The following ASB13 variants were observed in gnomAD, a reference collection of about 807,000 sequenced individuals.
The protein encoded by ASB13 is ankyrin repeat and SOCS box protein 13.
ASB13 carries 33 observed loss-of-function variants against 28.8 expected under a neutral mutation model. The ratio of observed to expected loss-of-function variants is 1.15; its 90% CI spans 0.87 to 1.53. The LOEUF (loss-of-function observed/expected upper bound fraction) is 1.53. Ranked by LOEUF, ASB13 falls within the 40% of genes most tolerant of loss-of-function variation. ASB13 has a pLI of 0.00. For missense variants in ASB13, 414 were observed against 390.1 expected (o/e 1.06, Z -0.52); for synonymous variants, 182 against 172.9 (o/e 1.05, Z -0.41).
chr10:5,655,399 T>G lies in ASB13; in HGVS notation c.44-2349A>C, dbSNP rs1245341649. 6.6e-6 allele frequency among the ~76,000 whole-genome samples: 1 copy of G among 152,242 alleles called. No homozygotes were observed. The highest frequency in any genetic ancestry group is 1.9e-4 in the East Asian group (1 of 5,202). On this transcript the variant is annotated intron_variant, in intron 1 of 5. Coordinates refer to ENST00000357700, the MANE Select transcript of ASB13 (RefSeq NM_024701.4). The surrounding 1 kb of genome is among the most constrained non-coding windows in gnomAD (Gnocchi z 6.2). ...TCTCTTCATAGGTGGACTATGAACATTCAGTGAATTGAAATAGGTAGATGC... is the reference window on the plus strand; with the variant it reads ...TCTCTTCATAGGTGGACTATGAACAGTCAGTGAATTGAAATAGGTAGATGC...
At position 5,640,511 on chromosome 10, in the gene ASB13, C is replaced by T; in HGVS notation, c.*192G>A. On this transcript the variant is annotated 3_prime_UTR_variant, in exon 6 of 6. Transcript: ENST00000357700. Reference sequence around the variant, plus strand: ...ACACCCACAACTGTGACCTGAGACGCAGGCCTTCCCAACACCCTGGAAACA... The same window carrying T: ...ACACCCACAACTGTGACCTGAGACGTAGGCCTTCCCAACACCCTGGAAACA... 1 of 681,486 alleles carries T rather than the reference C, an allele frequency of 1.5e-6. No homozygotes were observed. The highest frequency in any genetic ancestry group is 3.0e-5 in the East Asian group (1 of 33,710). The allele number at this position is 681,486 out of a possible 1,614,324, so 42.2% of individuals were successfully genotyped here. A position where few individuals can be genotyped will look rare whatever the true frequency, so the allele number is the denominator to read the frequency against.
In ASB13 at chr10:5,660,169, A is replaced by C. The variant is rs1835137855; in HGVS notation, c.43+6340T>G. 6.6e-6 allele frequency among the ~76,000 whole-genome samples: 1 copy of C among 152,198 alleles called. No individual in the cohort carries two copies. The highest frequency in any genetic ancestry group is 6.5e-5 in the Admixed American group (1 of 15,282). On this transcript the variant is annotated intron_variant, in intron 1 of 5. Transcript: ENST00000357700. The surrounding 1 kb of genome is among the most constrained non-coding windows in gnomAD (Gnocchi z 6.1). ...TAGCCAAGCAAAAGCCTTTGCCCTG[A>C]AAACTAGAGTTTCACAGATGTCACC... is the stretch of plus-strand genomic sequence containing the variant.
Position 5,641,657 on chromosome 10 carries a change from C to G in ASB13, c.709+113G>C. The G allele has an allele frequency of 8.6e-7, 1 of 1,162,496 alleles. No individual in the cohort carries two copies. The highest frequency in any genetic ancestry group is 1.2e-6 in the Non-Finnish European group (1 of 831,386). 72.0% of individuals were successfully genotyped at this position (1,162,496 alleles called of 1,614,324 possible). On this transcript the variant is annotated intron_variant, in intron 5 of 5. Transcript: ENST00000357700. This position sits in a 1 kb window ranked among gnomAD's most constrained non-coding sequence, Gnocchi z 8.4. ...TAAGGGTCTGTCCTAGCGCAGAGGA[C>G]AGGAGCCAGGACTAACAGCCCAGCT...
intron 1 of ASB13, among the ~76,000 whole-genome samples, chr10:5,666,200 C>T (rs968380353): frequency 6.6e-6 from 1 of 152,192 alleles, no homozygotes; most frequent in African/African-American, 2.4e-5. Context: ...GCACGCGTCC[C>T]GCACCTTCCC....
Position 5,640,690 on chromosome 10 carries a change from C to T in ASB13, c.*13G>A, listed in dbSNP as rs1327574129. On this transcript the variant is annotated 3_prime_UTR_variant, in exon 6 of 6. Coordinates refer to ENST00000357700, the MANE Select transcript of ASB13 (RefSeq NM_024701.4). ...ACAACGGGGGCAGCCACGGTCCGGA[C>T]CCCACCTGCAATTCAGTTGTAGGAG... The T allele has an allele frequency of 1.2e-6, 2 of 1,613,992 alleles. No individual in the cohort carries two copies. The highest frequency in any genetic ancestry group is 2.2e-5 in the East Asian group (1 of 44,880).
Position 5,641,776 on chromosome 10 carries a change from A to G in ASB13, c.703T>C (p.Tyr235His), listed in dbSNP as rs1326666363. ...SSAPAKCFEYYEKTPLTLSQL... is the reference protein window; with the variant it reads ...SSAPAKCFEYHEKTPLTLSQL... ...GCTCGGTGGGGTGTCTCACTTTCGT[A>G]GTACTCGAAGCACTTGGCGGGAGCG... Residue 235 changes from tyrosine to histidine, a missense_variant, in exon 5 of 6, where the codon TAC becomes CAC. Coordinates refer to ENST00000357700, the MANE Select transcript of ASB13 (RefSeq NM_024701.4). This position sits in a 1 kb window ranked among gnomAD's most constrained non-coding sequence, Gnocchi z 8.4. 3 of 1,587,792 alleles carry G rather than the reference A, an allele frequency of 1.9e-6. No homozygotes were observed. Among genetic ancestry groups the G allele is most frequent in the African/African-American group, 2.7e-5 (2 of 74,646 alleles).
Position 5,652,026 on chromosome 10 carries a change from CCACACACACACACACACA to C in ASB13, c.232-681_232-664del, listed in dbSNP as rs5782851. 3.4e-5 allele frequency among the ~76,000 whole-genome samples: 2 copies of C among 59,150 alleles called. No individual in the cohort carries two copies. Among genetic ancestry groups the C allele is most frequent in the African/African-American group, 7.2e-5 (1 of 13,950 alleles). 38.8% of individuals were successfully genotyped at this position (59,150 alleles called of 152,430 possible). ...CAAAAAAAAAAAAAAAAAAAAAAAA[CCACACACACACACACACA>C]CACACACACACACACACAAAACTCT... On this transcript the variant is annotated intron_variant, in intron 2 of 5. Transcript: ENST00000357700. This position sits in a 1 kb window ranked among gnomAD's most constrained non-coding sequence, Gnocchi z 5.0.
Position 5,641,805 on chromosome 10 carries a change from C to T in ASB13, c.674G>A (p.Ser225Asn), listed in dbSNP as rs868710170. 5 of 1,609,472 alleles carry T rather than the reference C, an allele frequency of 3.1e-6. No individual in the cohort carries two copies. In the Admixed American group the frequency reaches 8.4e-5, roughly 27 times the overall value. ...GKKPSDYTWSSSAPAKCFEYY... is the reference protein window; with the variant it reads ...GKKPSDYTWSNSAPAKCFEYY... The stretch of plus-strand genomic sequence containing the variant: ...CTCGAAGCACTTGGCGGGAGCGCTG[C>T]TGCTCCACGTGTAGTCAGACGGCTT... The change falls in exon 5 of 6, where the codon AGC becomes AAC. Residue 225 changes from serine to asparagine, a missense_variant. Transcript: ENST00000357700. This position sits in a 1 kb window ranked among gnomAD's most constrained non-coding sequence, Gnocchi z 8.4.
In ASB13 at chr10:5,660,276, C is replaced by T. The variant is rs1408627555; in HGVS notation, c.43+6233G>A. ...TCAGAACGTTCTCTCCACTCTTCCA[C>T]CCACGATACGACCTTACTGGCTAGG... On this transcript the variant is annotated intron_variant, in intron 1 of 5. Transcript: ENST00000357700. The surrounding 1 kb of genome is among the most constrained non-coding windows in gnomAD (Gnocchi z 6.1). Among the ~76,000 whole-genome samples, 1 of 152,232 alleles carries T rather than the reference C, an allele frequency of 6.6e-6. No homozygotes were observed. Among genetic ancestry groups the T allele is most frequent in the Non-Finnish European group, 1.5e-5 (1 of 68,050 alleles).
chr10:5,647,563 A>G (rs921159941), intron 4 of ASB13, among the ~76,000 whole-genome samples: 3 of 152,114 alleles, frequency 2.0e-5, no homozygotes, highest in Non-Finnish European at 4.4e-5. Context: ...ACTTCCCATT[A>G]CATCCCCTTC....
chr10:5,652,962 G>A lies in ASB13; in HGVS notation c.132C>T (p.Cys44=), dbSNP rs568303793. The change falls in exon 2 of 6, where the codon TGC becomes TGT. Residue 44 remains cysteine (C), a synonymous_variant. Coordinates refer to ENST00000357700, the MANE Select transcript of ASB13 (RefSeq NM_024701.4). This position sits in a 1 kb window ranked among gnomAD's most constrained non-coding sequence, Gnocchi z 5.0. ...TGGAGTCCACGGTGACCTGGTTCAC[G>A]CAGGCGCCGCTCTCGATCAGCTGTT... ...QLQQLIESGA[C]VNQVTVDSIT... is the part of the protein sequence containing the mutation. 33 of 1,569,728 alleles carry A rather than the reference G, an allele frequency of 2.1e-5. No homozygotes were observed. The highest frequency in any genetic ancestry group is 6.7e-5 in the African/African-American group (5 of 74,362).
Position 5,641,128 on chromosome 10 carries a change from C to T in ASB13, c.710-298G>A, listed in dbSNP as rs1457380907. Among the ~76,000 whole-genome samples the T allele has an allele frequency of 6.6e-6, 1 of 152,084 alleles. No homozygotes were observed. Among genetic ancestry groups the T allele is most frequent in the Non-Finnish European group, 1.5e-5 (1 of 67,990 alleles). On this transcript the variant is annotated intron_variant, in intron 5 of 5. Coordinates refer to ENST00000357700, the MANE Select transcript of ASB13 (RefSeq NM_024701.4). The surrounding 1 kb of genome is among the most constrained non-coding windows in gnomAD (Gnocchi z 8.4). ...GAAAAAAAGCGACAGAGGCAAGAATCTCTTACTCTGTCACCCAGGCTGGAG... is the reference window on the plus strand; with the variant it reads ...GAAAAAAAGCGACAGAGGCAAGAATTTCTTACTCTGTCACCCAGGCTGGAG...
rs1835263489 is a variant in ASB13 at position 5,666,504 on chromosome 10, C to G, written c.43+5G>C. On this transcript the variant is annotated splice_donor_5th_base_variant and intron_variant, in intron 1 of 5. Coordinates refer to ENST00000357700, the MANE Select transcript of ASB13 (RefSeq NM_024701.4). Reference sequence around the variant, plus strand: ...CGCTCTGACCTCCGCGGCGCCCGCACGTACCCACGTCGCCCAGGAAGCAGC... The same window carrying G: ...CGCTCTGACCTCCGCGGCGCCCGCAGGTACCCACGTCGCCCAGGAAGCAGC... The G allele has an allele frequency of 7.7e-7, 1 of 1,290,794 alleles. No individual in the cohort carries two copies. 80.0% of individuals were successfully genotyped at this position (1,290,794 alleles called of 1,614,324 possible).
chr10:5,648,885 C>G, intron 4 of ASB13, 85 bp downstream of exon 4: 1 of 1,576,574 alleles, frequency 6.3e-7, no homozygotes, highest in Non-Finnish European at 8.6e-7. Flanking sequence ...CAAACACCCA[C>G]TTGGGCAAAC....
chr10:5,660,433 G>A lies in ASB13; in HGVS notation c.43+6076C>T, dbSNP rs1835141457. Among the ~76,000 whole-genome samples the A allele has an allele frequency of 6.6e-6, 1 of 152,146 alleles. No individual in the cohort carries two copies. The highest frequency in any genetic ancestry group is 1.5e-5 in the Non-Finnish European group (1 of 68,026). On this transcript the variant is annotated intron_variant, in intron 1 of 5. Coordinates refer to ENST00000357700, the MANE Select transcript of ASB13 (RefSeq NM_024701.4). The surrounding 1 kb of genome is among the most constrained non-coding windows in gnomAD (Gnocchi z 6.1). ...GGACTGACCTGTCCTTTGAGATTAG[G>A]AAGCCCTGGCTGAACAGGTCAAGTG...
chr10:5,649,289 T>C lies in ASB13; in HGVS notation c.383-185A>G, dbSNP rs897978770. Among the ~76,000 whole-genome samples the C allele has an allele frequency of 2.0e-5, 3 of 152,098 alleles. No homozygotes were observed. Among genetic ancestry groups the C allele is most frequent in the African/African-American group, 7.2e-5 (3 of 41,428 alleles). On this transcript the variant is annotated intron_variant, in intron 3 of 5. Transcript: ENST00000357700. This position sits in a 1 kb window ranked among gnomAD's most constrained non-coding sequence, Gnocchi z 6.4. ...GGCCCTCAGGAAGCCAGGACACGGC[T>C]CTGCGCCCCGCTGAGGACGGAGGGC... is the stretch of plus-strand genomic sequence containing the variant.
In ASB13 at chr10:5,639,519, T is replaced by G. The variant is rs1238906865; in HGVS notation, c.*1184A>C. Reference sequence around the variant, plus strand: ...TAACTCCCTGTTGTGGGCGGGGTTCTTAAAATTTATGAAGGCAAAGACTCC... The same window carrying G: ...TAACTCCCTGTTGTGGGCGGGGTTCGTAAAATTTATGAAGGCAAAGACTCC... On this transcript the variant is annotated 3_prime_UTR_variant, in exon 6 of 6. Transcript: ENST00000357700. 6.6e-6 allele frequency: 1 copy of G among 152,256 alleles called. No individual in the cohort carries two copies. The highest frequency in any genetic ancestry group is 1.5e-5 in the Non-Finnish European group (1 of 68,080). The allele number at this position is 152,256 out of a possible 1,614,324, so 9.4% of individuals were successfully genotyped here.
chr10:5,651,249 A>G lies in ASB13; in HGVS notation c.346T>C (p.Tyr116His), dbSNP rs760416698. ...GCCTCGTGCAGGGGGGACGCTGTGT[A>G]CAGGGGAGGGTTGACCTTGGCCCCG... ...SYGAKVNPPLYTASPLHEACM... is the reference protein window; with the variant it reads ...SYGAKVNPPLHTASPLHEACM... The change falls in exon 3 of 6, where the codon TAC (tyrosine) becomes CAC (histidine). Residue 116 changes from tyrosine to histidine, a missense_variant. Transcript: ENST00000357700. The surrounding 1 kb of genome is among the most constrained non-coding windows in gnomAD (Gnocchi z 5.1). The G allele has an allele frequency of 3.1e-6, 5 of 1,613,950 alleles. No individual in the cohort carries two copies. The highest frequency in any genetic ancestry group is 3.4e-6 in the Non-Finnish European group (4 of 1,179,918).
rs1456763197 is a variant in ASB13, at chr10:5,658,927, C to T, written c.44-5877G>A. ...AACCACCGATGGCCCTTCCAGGGGG[C>T]GAAGAGACCCACTCTCTTCATAAAC... On this transcript the variant is annotated intron_variant, in intron 1 of 5. Transcript: ENST00000357700. This position sits in a 1 kb window ranked among gnomAD's most constrained non-coding sequence, Gnocchi z 4.2. Among the ~76,000 whole-genome samples, 7 of 152,040 alleles carry T rather than the reference C, an allele frequency of 4.6e-5. No individual in the cohort carries two copies. Among genetic ancestry groups the T allele is most frequent in the African/African-American group, 9.7e-5 (4 of 41,378 alleles).
Sources: allele counts gnomAD v4.1 joint callset (sites outside exome capture counted in the v4.1 genomes callset), GRCh38; gene constraint gnomAD v4.1.1; non-coding constraint Gnocchi (gnomAD v3.1); transcripts MANE v1.5; gene names NCBI Gene and HGNC (gene_info 2026-07-23, HGNC 2026-07-21).